THSD4: variants seen among roughly 807,000 people sequenced by gnomAD.
The protein encoded by THSD4 is thrombospondin type-1 domain-containing protein 4.
A neutral mutation model predicts 119.0 loss-of-function variants in THSD4; 69 were observed. The ratio of observed to expected loss-of-function variants is 0.58; its 90% CI spans 0.48 to 0.71. The LOEUF (loss-of-function observed/expected upper bound fraction) is 0.71. Ranked by LOEUF, THSD4 falls within the 30% of genes least tolerant of loss-of-function variation. The pLI is 0.00. For missense variants in THSD4, 1,393 were observed against 1,391.1 expected, an observed-to-expected ratio of 1.00 and a Z score of -0.02; for synonymous variants, 524 against 540.4, an observed-to-expected ratio of 0.97 and a Z score of 0.42.
At chr15:71,265,968 A>G (rs1182918298) in intron 6 of THSD4, among the ~76,000 whole-genome samples, 2 of 152,220 alleles carry the variant, frequency 1.3e-5, no homozygotes, top group East Asian at 3.8e-4. Flanking sequence ...TCAGGGGCTT[A>G]CAGACAAAAT....
At chr15:71,362,787 C>T (rs1341469796) in intron 6 of THSD4, among the ~76,000 whole-genome samples, 2 of 151,516 alleles carry the variant, frequency 1.3e-5, no homozygotes, top group Non-Finnish European at 2.9e-5. Flanking sequence ...CCCCTCCCTC[C>T]ACACATATGG....
chr15:71,579,722 A>G (rs866746518), intron 7 of THSD4, among the ~76,000 whole-genome samples: 7 of 152,126 alleles, frequency 4.6e-5, no homozygotes, highest in African/African-American at 1.7e-4. Context: ...ATAGCTTTCA[A>G]AATATTGGAG....
intron 3 of THSD4, among the ~76,000 whole-genome samples, chr15:71,155,413 C>T (rs1246039263): frequency 6.6e-6 from 1 of 152,170 alleles, no homozygotes; most frequent in Non-Finnish European, 1.5e-5. Context: ...TCCACCAGGC[C>T]CCGCCTCCAA....
At chr15:71,568,891 G>A (rs1038804354) in intron 7 of THSD4, among the ~76,000 whole-genome samples, 2 of 152,072 alleles carry the variant, frequency 1.3e-5, no homozygotes, top group Admixed American at 6.6e-5. Flanking sequence ...TCTTTTTTAA[G>A]AACAATCTTT....
At chr15:71,111,479 C>T, upstream of THSD4, 1 of 1,337,644 alleles carries the variant, frequency 7.5e-7, no homozygotes, top group Non-Finnish European at 1.0e-6. Flanking sequence ...GGGAGGGAAT[C>T]TACCCTGAGA....
chr15:71,758,231 G>A (rs957986699), intron 15 of THSD4, among the ~76,000 whole-genome samples, 156 bp downstream of exon 15: 1 of 152,210 alleles, frequency 6.6e-6, no homozygotes, highest in Non-Finnish European at 1.5e-5. Flanking sequence ...TATATTTCTG[G>A]AGCCTCAGTC....
In THSD4 at chr15:71,411,790, C is replaced by T. The variant is rs374027758; in HGVS notation, c.1119C>T (p.Asn373=). The T allele has an allele frequency of 2.5e-5, 40 of 1,614,084 alleles. No homozygotes were observed. Among genetic ancestry groups the T allele is most frequent in the African/African-American group, 2.3e-4 (17 of 75,018 alleles). The change falls in exon 7 of 18, where the codon AAC becomes AAT. Residue 373 remains asparagine (N), a synonymous_variant. Coordinates refer to ENST00000261862, the MANE Select transcript of THSD4 (RefSeq NM_024817.3). ...KVIDGTPCDQ[N]GTAICVSGQC... ...TCGATGGCACCCCCTGTGACCAGAACGGCACGGCCATCTGTGTGTCTGGGC... is the reference window on the plus strand; with the variant it reads ...TCGATGGCACCCCCTGTGACCAGAATGGCACGGCCATCTGTGTGTCTGGGC...
At chr15:71,328,420 C>T (rs926141911) in intron 6 of THSD4, among the ~76,000 whole-genome samples, 1 of 152,168 alleles carries the variant, frequency 6.6e-6, no homozygotes, top group Non-Finnish European at 1.5e-5. Context: ...GTCATTCAGG[C>T]CTAATGGTTC....
chr15:71,523,219 G>C (rs919862692), intron 7 of THSD4, among the ~76,000 whole-genome samples: 1 of 152,162 alleles, frequency 6.6e-6, no homozygotes, highest in African/African-American at 2.4e-5. Flanking sequence ...CAAGAATCAA[G>C]GCCAGCAGGG....
At chr15:71,170,204 C>T (rs879417664) in intron 3 of THSD4, among the ~76,000 whole-genome samples, 26 of 151,954 alleles carry the variant, frequency 1.7e-4, no homozygotes, top group Non-Finnish European at 3.4e-4. Context: ...TGATGGTCTG[C>T]AGGATAGAGT....
intron 8 of THSD4, among the ~76,000 whole-genome samples, chr15:71,684,570 C>T (rs945090574): frequency 4.0e-5 from 6 of 150,768 alleles, no homozygotes; most frequent in East Asian, 1.9e-4. Flanking sequence ...CACCTACTTA[C>T]GTTATTTTTT....
intron 6 of THSD4, among the ~76,000 whole-genome samples, chr15:71,278,222 G>A (rs1255509560): frequency 1.3e-5 from 2 of 152,228 alleles, no homozygotes; most frequent in South Asian, 4.1e-4. Flanking sequence ...CTGAGACAGG[G>A]TCTCACTCTG....
chr15:71,600,213 A>T (rs1285004632), intron 7 of THSD4, among the ~76,000 whole-genome samples: 1 of 144,362 alleles, frequency 6.9e-6, no homozygotes, highest in East Asian at 2.0e-4. Context: ...CTGTATTTCA[A>T]AGTCTTGCTC....
chr15:71,472,071 T>C (rs896331186), intron 7 of THSD4, among the ~76,000 whole-genome samples: 21 of 152,092 alleles, frequency 1.4e-4, no homozygotes, highest in Non-Finnish European at 4.4e-5. Flanking sequence ...TGCACCACCA[T>C]GCCTGGCTAA....
At chr15:71,634,705 G>A (rs987555175) in intron 7 of THSD4, among the ~76,000 whole-genome samples, 13 of 152,158 alleles carry the variant, frequency 8.5e-5, no homozygotes, top group Non-Finnish European at 1.5e-4. Flanking sequence ...AGATCTCCTC[G>A]GAAGTCAAGG....
intron 8 of THSD4, among the ~76,000 whole-genome samples, chr15:71,699,229 T>TTTTA: frequency 1.6e-5 from 1 of 61,790 alleles, no homozygotes. Context: ...TTTTTTTTTT[T>TTTTA]TGAGACGGAG....
chr15:71,500,688 T>C (rs2048097590), intron 7 of THSD4, among the ~76,000 whole-genome samples: 1 of 152,250 alleles, frequency 6.6e-6, no homozygotes, highest in Non-Finnish European at 1.5e-5. Flanking sequence ...TTCATTCTTT[T>C]GCATATAGAA....
At chr15:71,322,363 A>G (rs556113923) in intron 6 of THSD4, among the ~76,000 whole-genome samples, 1 of 152,236 alleles carries the variant, frequency 6.6e-6, no homozygotes, top group South Asian at 2.1e-4. Context: ...AAGTGAGGAA[A>G]TTTAGTCCAA....
chr15:71,696,051 T>C (rs928233419), intron 8 of THSD4, among the ~76,000 whole-genome samples: 16 of 152,246 alleles, frequency 1.1e-4, no homozygotes, highest in African/African-American at 3.9e-4. Context: ...GTTAGCTAGT[T>C]TTACTAGTAT....
Sources: allele counts gnomAD v4.1 joint callset (sites outside exome capture counted in the v4.1 genomes callset), GRCh38; gene constraint gnomAD v4.1.1; transcripts MANE v1.5; gene names NCBI Gene and HGNC (gene_info 2026-07-23, HGNC 2026-07-21).